Variants in RUFY4 observed in about 807,000 individuals in gnomAD.
The protein encoded by RUFY4 is RUN and FYVE domain-containing protein 4.
In RUFY4, 73 loss-of-function variants were observed where a neutral mutation model predicts 69.0. That is an observed-to-expected ratio of 1.06 (90% CI 0.88 to 1.29). The LOEUF is 1.29. RUFY4 is among the 50% of genes most tolerant of loss of function. The pLI is 0.00. For missense variants in RUFY4, 770 were observed against 705.6 expected (o/e 1.09, Z -1.03); for synonymous variants, 287 against 271.8 (o/e 1.06, Z -0.55).
chr2:218,078,844 T>C (rs1689695625), intron 8 of RUFY4, among the ~76,000 whole-genome samples: 1 of 152,060 alleles, frequency 6.6e-6, no homozygotes, highest in Non-Finnish European at 1.5e-5. Flanking sequence ...GCATGTTTTT[T>C]GTTGTTGTTG....
rs752134165 is a variant in RUFY4, at chr2:218,073,400, G to A, written c.530+14G>A. 2.5e-6 allele frequency: 4 copies of A among 1,585,400 alleles called. No individual in the cohort carries two copies. The South Asian group carries it at 4.6e-5, about 18-fold the overall frequency. ...CATGTTCTCAGAGTGAGTGGGTGCA[G>A]CCAGGAGAGAAGTCTCTTTTGACAC... On this transcript the variant is annotated intron_variant, in intron 5 of 10. Coordinates refer to ENST00000344321, the Ensembl canonical transcript of RUFY4.
chr2:218,069,870 A>G (rs1183295426), upstream of RUFY4, among the ~76,000 whole-genome samples: 1 of 152,138 alleles, frequency 6.6e-6, no homozygotes, highest in Non-Finnish European at 1.5e-5. Context: ...TCTGGGCCCC[A>G]GGACCCATGG....
At chr2:218,073,503 TG>T (rs1329383025) in intron 5 of RUFY4, 117 bp downstream of exon 7, 18 of 1,385,060 alleles carry the variant, frequency 1.3e-5, no homozygotes, top group Non-Finnish European at 1.7e-5. Flanking sequence ...TGCCTCCTTT[TG>T]CTCCATGCCT....
chr2:218,065,846 A>G (rs992186671), upstream of RUFY4: 1 of 152,554 alleles, frequency 6.6e-6, no homozygotes, highest in African/African-American at 2.4e-5. Flanking sequence ...AACCCCTGCA[A>G]TGCCCTGCTG....
chr2:218,048,082 G>A (rs925044765), intron 2 of RUFY4, among the ~76,000 whole-genome samples: 2 of 152,172 alleles, frequency 1.3e-5, no homozygotes, highest in African/African-American at 4.8e-5. Flanking sequence ...CCCAGTAACA[G>A]CGTATAAGCG....
chr2:218,069,789 C>T (rs1237265919), upstream of RUFY4, among the ~76,000 whole-genome samples: 23 of 152,150 alleles, frequency 1.5e-4, no homozygotes, highest in Non-Finnish European at 1.6e-4. Context: ...CTGGGTTTTC[C>T]GCTCCATGCC....
intron 8 of RUFY4, among the ~76,000 whole-genome samples, chr2:218,079,310 G>A (rs534340988): frequency 1.6e-4 from 24 of 152,322 alleles, no homozygotes; most frequent in African/African-American, 5.3e-4. Context: ...AGAAGCTGCC[G>A]GGCTTTGGAT....
chr2:218,053,018 C>A (rs191817412), intron 2 of RUFY4, among the ~76,000 whole-genome samples: 1 of 152,028 alleles, frequency 6.6e-6, no homozygotes, highest in Non-Finnish European at 1.5e-5. Context: ...CAAGTGCAAT[C>A]GCATGATCAC....
chr2:218,068,023 G>A (rs1014237701), upstream of RUFY4, among the ~76,000 whole-genome samples: 8 of 148,738 alleles, frequency 5.4e-5, no homozygotes, highest in South Asian at 2.2e-4. Context: ...AGAAACCAGC[G>A]CCACACCTGT....
intron 2 of RUFY4, among the ~76,000 whole-genome samples, chr2:218,049,665 G>A (rs1476321976): frequency 6.6e-6 from 1 of 151,846 alleles, no homozygotes. Flanking sequence ...CGCCACCACA[G>A]CTGGCTAATT....
chr2:218,054,276 C>A (rs1261872775), intron 2 of RUFY4, among the ~76,000 whole-genome samples: 2 of 152,128 alleles, frequency 1.3e-5, no homozygotes, highest in Non-Finnish European at 2.9e-5. Context: ...GGACTAGGGT[C>A]GGGCATGATG....
exon 7 of RUFY4, chr2:218,075,269 T>C (rs754731928): frequency 1.4e-5 from 23 of 1,589,536 alleles, no homozygotes; most frequent in Non-Finnish European, 1.5e-5. Flanking sequence ...CCAGGAAACA[T>C]AGGTACCCCC....
exon 7 of RUFY4, chr2:218,075,165 C>A: frequency 6.4e-7 from 1 of 1,556,456 alleles, no homozygotes; most frequent in Non-Finnish European, 8.7e-7. Context: ...CATCTGTCTG[C>A]AAGATGCACC....
intron 2 of RUFY4, among the ~76,000 whole-genome samples, chr2:218,056,040 C>A (rs181049180): frequency 1.3e-5 from 2 of 152,262 alleles, no homozygotes; most frequent in African/African-American, 4.8e-5. Context: ...TATCCCAGCA[C>A]GAATTTTTGT....
chr2:218,075,432 G>T, exon 7 of RUFY4: 1 of 1,612,150 alleles, frequency 6.2e-7, no homozygotes, highest in Non-Finnish European at 8.5e-7. Flanking sequence ...AGGGATGGAG[G>T]CTGAGGTCAC....
chr2:218,074,003 C>A, intron 6 of RUFY4, 118 bp downstream of exon 8: 1 of 1,012,680 alleles, frequency 9.9e-7, no homozygotes, highest in Non-Finnish European at 1.5e-6. Flanking sequence ...CCCTACAGGA[C>A]AGACAGAGCA....
chr2:218,040,834 G>T (rs1029601245), intron 2 of RUFY4, among the ~76,000 whole-genome samples: 2 of 152,002 alleles, frequency 1.3e-5, no homozygotes, highest in Non-Finnish European at 2.9e-5. Context: ...TCTGTCCCTC[G>T]ATTTGCAGAT....
chr2:218,042,475 GT>G (rs1350373467), intron 2 of RUFY4, among the ~76,000 whole-genome samples: 5 of 152,176 alleles, frequency 3.3e-5, no homozygotes, highest in Admixed American at 3.3e-4. Flanking sequence ...TATGGTCTTA[GT>G]TTTTTAGTCC....
At chr2:218,068,915 G>C (rs1283621299), upstream of RUFY4, 6 of 152,510 alleles carry the variant, frequency 3.9e-5, no homozygotes, top group South Asian at 6.2e-4. Context: ...CCAAGTGACA[G>C]AGACGAGACA....
Sources: allele counts gnomAD v4.1 joint callset (sites outside exome capture counted in the v4.1 genomes callset), GRCh38; gene constraint gnomAD v4.1.1; transcripts MANE v1.5; gene names NCBI Gene and HGNC (gene_info 2026-07-23, HGNC 2026-07-21).